Variants in ALMS1 observed in about 807,000 individuals in gnomAD.
The protein encoded by ALMS1 is ALMS1 centrosome and basal body associated protein, also known as centrosome-associated protein ALMS1.
Under a neutral mutation model 352.2 loss-of-function variants are expected in ALMS1, and 271 were observed. The observed-to-expected ratio is 0.77, with a 90% CI of 0.70 to 0.85. The LOEUF (loss-of-function observed/expected upper bound fraction) is 0.85. Ranked by LOEUF, ALMS1 falls within the 40% of genes least tolerant of loss-of-function variation. The pLI is 0.00. For missense variants in ALMS1, 5,445 were observed against 4,870.7 expected (o/e 1.12, Z -3.51); for synonymous variants, 1,865 against 1,761.2 (o/e 1.06, Z -1.48).
intron 9 of ALMS1, among the ~76,000 whole-genome samples, chr2:73,466,188 C>T (rs1672339377): frequency 6.6e-6 from 1 of 151,968 alleles, no homozygotes; most frequent in Non-Finnish European, 1.5e-5. Flanking sequence ...TACACATGTA[C>T]GTTTATTGCG....
chr2:73,482,427 C>A (rs1291477985), intron 9 of ALMS1, among the ~76,000 whole-genome samples: 4 of 147,732 alleles, frequency 2.7e-5, no homozygotes, highest in South Asian at 4.2e-4. Flanking sequence ...AGGGATGAAG[C>A]CCACTTGATC....
At chr2:73,590,982 T>C (rs1217118751) in intron 16 of ALMS1, among the ~76,000 whole-genome samples, 1 of 152,074 alleles carries the variant, frequency 6.6e-6, no homozygotes, top group Non-Finnish European at 1.5e-5. Context: ...GGCCCCTTTT[T>C]TTTCTTTTTT....
chr2:73,534,306 A>G (rs78003072), intron 11 of ALMS1, among the ~76,000 whole-genome samples: 2,986 of 152,160 alleles, frequency 0.02, 113 homozygotes, highest in African/African-American at 0.066. Context: ...AGTGGAAACT[A>G]TGTTTTGAAG....
At chr2:73,386,622 A>G (rs1670540378) in intron 1 of ALMS1, among the ~76,000 whole-genome samples, 2 of 152,034 alleles carry the variant, frequency 1.3e-5, no homozygotes, top group South Asian at 4.1e-4. Context: ...AGTAATGTGG[A>G]TAATGTACAC....
intron 9 of ALMS1, among the ~76,000 whole-genome samples, chr2:73,464,460 C>G (rs1270515904): frequency 6.6e-6 from 1 of 152,142 alleles, no homozygotes; most frequent in Non-Finnish European, 1.5e-5. Context: ...ATAATAAGAG[C>G]TATCTATGAC....
rs113233648 is a variant in ALMS1, at chr2:73,549,958, C to G, written c.9908-309C>G. On this transcript the variant is annotated intron_variant, in intron 12 of 22. Coordinates refer to ENST00000613296, the MANE Select transcript of ALMS1 (RefSeq NM_001378454.1). ...CACTGCAACCTCTGCCTCCCAGGTT[C>G]AAGCGATTCTCCTGCCTCAGCCTCC... Among the ~76,000 whole-genome samples, 398 of 152,300 alleles carry G rather than the reference C, an allele frequency of 2.6e-3. 3 individuals are homozygous for G. The highest frequency in any genetic ancestry group is 9.1e-3 in the African/African-American group (376 of 41,544).
chr2:73,555,940 C>T (rs1420856773), intron 13 of ALMS1, among the ~76,000 whole-genome samples: 2 of 152,026 alleles, frequency 1.3e-5, no homozygotes, highest in Admixed American at 6.5e-5. Context: ...AAGAAACTTG[C>T]AAAACAATGC....
At chr2:73,509,868 C>G (rs1012910809) in intron 10 of ALMS1, among the ~76,000 whole-genome samples, 2 of 152,158 alleles carry the variant, frequency 1.3e-5, no homozygotes. Context: ...CAACTTGGTT[C>G]CATTCTCCCT....
chr2:73,573,130 C>T lies in ALMS1; in HGVS notation c.11253C>T (p.Thr3751=). ...EESELLTDTT[T]NILSGTTSTV... ...GTGAGCTGCTCACAGATACTACCAC[C>T]AACATCCTTTCCGGCACCACTTCTA... The change falls in exon 16 of 23, where the codon ACC becomes ACT. Residue 3751 remains threonine (T), a synonymous_variant. Transcript: ENST00000613296. 1 of 1,613,978 alleles carries T rather than the reference C, an allele frequency of 6.2e-7. No homozygotes were observed. Among genetic ancestry groups the T allele is most frequent in the Non-Finnish European group, 8.5e-7 (1 of 1,179,980 alleles).
intron 21 of ALMS1, among the ~76,000 whole-genome samples, chr2:73,604,408 T>G (rs1247763679): frequency 6.6e-6 from 1 of 152,174 alleles, no homozygotes; most frequent in Non-Finnish European, 1.5e-5. Flanking sequence ...CAAAAAATAA[T>G]AAATACAATT....
chr2:73,449,116 T>C lies in ALMS1; in HGVS notation c.2589T>C (p.Leu863=), dbSNP rs1671872588. 1 of 1,613,972 alleles carries C rather than the reference T, an allele frequency of 6.2e-7. No individual in the cohort carries two copies. Among genetic ancestry groups the C allele is most frequent in the East Asian group, 2.2e-5 (1 of 44,858 alleles). Residue 863 remains leucine (L), a synonymous_variant, in exon 8 of 23, where the codon CTT becomes CTC. Transcript: ENST00000613296. The part of the protein sequence containing the change: ...VTSTSSASSS[L]GEKPSAFYQQ... Reference sequence around the variant, plus strand: ...CTACTTCCTCTGCGTCCTCTTCACTTGGAGAAAAGCCCAGTGCTTTCTATC... The same window carrying C: ...CTACTTCCTCTGCGTCCTCTTCACTCGGAGAAAAGCCCAGTGCTTTCTATC...
intron 9 of ALMS1, among the ~76,000 whole-genome samples, chr2:73,484,948 G>T (rs1017242827): frequency 2.0e-5 from 3 of 151,984 alleles, no homozygotes; most frequent in Non-Finnish European, 4.4e-5. Flanking sequence ...GCACTTCTCT[G>T]TATTGGTTAT....
At chr2:73,591,321 T>A (rs1303343952) in intron 16 of ALMS1, among the ~76,000 whole-genome samples, 1 of 152,208 alleles carries the variant, frequency 6.6e-6, no homozygotes, top group Admixed American at 6.5e-5. Flanking sequence ...CTACATGGAA[T>A]TTATTTTTGT....
chr2:73,397,548 A>T (rs1572898697), intron 1 of ALMS1, among the ~76,000 whole-genome samples: 1 of 151,336 alleles, frequency 6.6e-6, no homozygotes, highest in Non-Finnish European at 1.5e-5. Flanking sequence ...GCTCACTGCA[A>T]CCTCTGCCTC....
chr2:73,396,198 A>T (rs116614177), intron 1 of ALMS1, among the ~76,000 whole-genome samples: 1 of 152,086 alleles, frequency 6.6e-6, no homozygotes, highest in East Asian at 1.9e-4. Flanking sequence ...CAAATTATTA[A>T]TCGATGTATT....
Position 73,429,682 on chromosome 2 carries a change from C to A in ALMS1, c.1339-2516C>A, listed in dbSNP as rs182673366. ...CTTTTCTCTCCCCTTCATATCCCCC[C>A]ACCTTTGGAGACCTAGTTGCCTGTC... On this transcript the variant is annotated intron_variant, in intron 6 of 22. Transcript: ENST00000613296. Among the ~76,000 whole-genome samples the A allele has an allele frequency of 3.3e-5, 5 of 152,292 alleles. 1 individual carries two copies. The highest frequency in any genetic ancestry group is 3.9e-4 in the East Asian group (2 of 5,188).
chr2:73,493,772 T>C (rs1394892940), intron 10 of ALMS1, among the ~76,000 whole-genome samples: 1 of 152,208 alleles, frequency 6.6e-6, no homozygotes, highest in African/African-American at 2.4e-5. Flanking sequence ...AAAGTATATG[T>C]GTATAAAATA....
chr2:73,489,713 G>C lies in ALMS1; in HGVS notation c.7754G>C (p.Gly2585Ala), dbSNP rs772306791. 2 of 1,614,080 alleles carry C rather than the reference G, an allele frequency of 1.2e-6. No individual in the cohort carries two copies. The highest frequency in any genetic ancestry group is 1.7e-6 in the Non-Finnish European group (2 of 1,180,020). The change falls in exon 10 of 23, where the codon GGA (glycine) becomes GCA (alanine). Residue 2585 changes from glycine to alanine, a missense_variant. Gly to Ala is a moderately conservative substitution (Grantham distance 60). Transcript: ENST00000613296. ...SHIIIESHEK[G>A]CFRTLTSEHP... Reference sequence around the variant, plus strand: ...ATTATTATTGAGAGCCATGAAAAGGGATGTTTCCGGACTCTAACTTCTGAA... The same window carrying C: ...ATTATTATTGAGAGCCATGAAAAGGCATGTTTCCGGACTCTAACTTCTGAA...
intron 16 of ALMS1, among the ~76,000 whole-genome samples, chr2:73,590,885 TG>T (rs934286366): frequency 3.9e-5 from 6 of 152,092 alleles, no homozygotes; most frequent in Non-Finnish European, 8.8e-5. Flanking sequence ...TTCACCATGT[TG>T]GTCAGGCTGG....
Sources: gnomAD v4.1 joint callset for allele counts (sites outside exome capture counted in the v4.1 genomes callset) on GRCh38, gnomAD v4.1.1 for gene constraint, MANE v1.5 for transcripts, NCBI Gene and HGNC (gene_info 2026-07-23, HGNC 2026-07-21) for gene names.